TRPC4AP: variants seen among roughly 807,000 people sequenced by gnomAD.
TRPC4AP encodes short transient receptor potential channel 4-associated protein.
In TRPC4AP, 45 loss-of-function variants were observed where a neutral mutation model predicts 99.0. The ratio of observed to expected loss-of-function variants is 0.45; its 90% CI spans 0.36 to 0.58. The LOEUF (loss-of-function observed/expected upper bound fraction) is 0.58, where lower values mean the gene tolerates loss of function less well. TRPC4AP is among the 20% of genes least tolerant of loss of function. TRPC4AP has a pLI of 0.00. For missense variants in TRPC4AP, 879 were observed against 985.3 expected (o/e 0.89, Z 1.44); for synonymous variants, 408 against 385.8 (o/e 1.06, Z -0.67).
At chr20:35,003,885 A>C (rs2082454610) in intron 17 of TRPC4AP, among the ~76,000 whole-genome samples, 1 of 152,122 alleles carries the variant, frequency 6.6e-6, no homozygotes. Context: ...GGGCTCAAGC[A>C]TCACTCCTTC....
chr20:35,076,824 T>G (rs2084491478), intron 2 of TRPC4AP, among the ~76,000 whole-genome samples: 1 of 152,164 alleles, frequency 6.6e-6, no homozygotes, highest in African/African-American at 2.4e-5. Flanking sequence ...TGCAGAAGTT[T>G]CTGCTGCCTT....
chr20:35,031,628 A>G (rs142109703), intron 8 of TRPC4AP, among the ~76,000 whole-genome samples: 1 of 151,598 alleles, frequency 6.6e-6, no homozygotes, highest in Non-Finnish European at 1.5e-5. Context: ...AATGATTTAC[A>G]TTACATTTGG....
intron 6 of TRPC4AP, among the ~76,000 whole-genome samples, chr20:35,045,268 GATACC>G (rs1369273161): frequency 6.6e-6 from 1 of 152,152 alleles, no homozygotes; most frequent in Non-Finnish European, 1.5e-5. Context: ...CAGTGTGAAT[GATACC>G]ATACTATACC....
chr20:35,030,241 C>CAAAAAAAAA (rs572401085), intron 8 of TRPC4AP: 2 of 111,698 alleles, frequency 1.8e-5, no homozygotes, highest in East Asian at 2.7e-4. Context: ...AACTCCATAT[C>CAAAAAAAAA]AAAAAAAAAA....
At chr20:35,018,911 A>C (rs2082820876) in intron 9 of TRPC4AP, among the ~76,000 whole-genome samples, 1 of 151,018 alleles carries the variant, frequency 6.6e-6, no homozygotes, top group Admixed American at 6.6e-5. Flanking sequence ...ATGGGGGACG[A>C]TGGAGCTGTT....
chr20:35,063,336 G>A (rs995493247), intron 3 of TRPC4AP, among the ~76,000 whole-genome samples: 5 of 152,098 alleles, frequency 3.3e-5, no homozygotes, highest in African/African-American at 7.2e-5. Context: ...GCATGAGAAC[G>A]GACTGACAGA....
chr20:35,077,988 G>C (rs959909575), intron 2 of TRPC4AP, 58 bp downstream of exon 2: 47 of 1,488,042 alleles, frequency 3.2e-5, no homozygotes, highest in Non-Finnish European at 4.2e-5. Context: ...AAAAACAGCA[G>C]ACATCTTGTG....
chr20:35,016,516 T>C (rs755249709), intron 9 of TRPC4AP, among the ~76,000 whole-genome samples: 2 of 152,164 alleles, frequency 1.3e-5, no homozygotes, highest in Non-Finnish European at 2.9e-5. Flanking sequence ...TCCTTAAGAT[T>C]TGTCTCCTCG....
chr20:35,043,902 A>G (rs1041709848), intron 7 of TRPC4AP, among the ~76,000 whole-genome samples: 2 of 152,218 alleles, frequency 1.3e-5, no homozygotes, highest in African/African-American at 4.8e-5. Context: ...TATAAAATGA[A>G]GGCCCAGGAG....
At chr20:35,009,446 A>G (rs1248918347) in intron 12 of TRPC4AP, among the ~76,000 whole-genome samples, 1 of 152,108 alleles carries the variant, frequency 6.6e-6, no homozygotes, top group East Asian at 1.9e-4. Context: ...GTTCGAGACC[A>G]GCCTGGGCAA....
At chr20:35,041,866 C>T (rs1014012301) in intron 7 of TRPC4AP, among the ~76,000 whole-genome samples, 2 of 152,198 alleles carry the variant, frequency 1.3e-5, no homozygotes, top group African/African-American at 4.8e-5. Context: ...CCACAGGGCA[C>T]TTGAAGGATT....
At chr20:35,037,519 G>A (rs1339702816) in intron 7 of TRPC4AP, among the ~76,000 whole-genome samples, 1 of 152,090 alleles carries the variant, frequency 6.6e-6, no homozygotes, top group African/African-American at 2.4e-5. Flanking sequence ...TATCCCAAAT[G>A]TCCATTAACT....
At chr20:35,015,488 A>G (rs2082733263) in intron 10 of TRPC4AP, among the ~76,000 whole-genome samples, 1 of 140,226 alleles carries the variant, frequency 7.1e-6, no homozygotes, top group African/African-American at 2.7e-5. Context: ...TTTGAGACAC[A>G]GTCTCACTTT....
intron 1 of TRPC4AP, among the ~76,000 whole-genome samples, chr20:35,090,181 A>T (rs1405674905): frequency 3.7e-4 from 3 of 8,210 alleles, no homozygotes; most frequent in South Asian, 2.6e-3. Context: ...GGAATAAATT[A>T]AAAAAAAAAA....
chr20:35,018,886 T>C (rs2082819769), intron 9 of TRPC4AP, among the ~76,000 whole-genome samples: 1 of 152,152 alleles, frequency 6.6e-6, no homozygotes, highest in Non-Finnish European at 1.5e-5. Context: ...CCCAAGTCCC[T>C]TGATAGAAAA....
At chr20:35,039,346 C>T (rs186773056) in intron 7 of TRPC4AP, among the ~76,000 whole-genome samples, 1 of 152,288 alleles carries the variant, frequency 6.6e-6, no homozygotes, top group African/African-American at 2.4e-5. Context: ...GAGTCACTCA[C>T]CTCTTGAAAA....
intron 5 of TRPC4AP, among the ~76,000 whole-genome samples, chr20:35,053,171 ACTTGT>A (rs1419449724): frequency 2.0e-5 from 3 of 152,366 alleles, no homozygotes; most frequent in African/African-American, 7.2e-5. Context: ...CAGCTTAAAT[ACTTGT>A]CTTTTCTTTA....
intron 3 of TRPC4AP, among the ~76,000 whole-genome samples, chr20:35,063,800 G>A (rs2084069983): frequency 6.6e-6 from 1 of 152,134 alleles, no homozygotes; most frequent in African/African-American, 2.4e-5. Flanking sequence ...GTTCAAGGCT[G>A]CAGTGAGCTA....
At position 35,056,985 on chromosome 20, in the gene TRPC4AP, C is replaced by CA. The variant is rs398035624; in HGVS notation, c.472+528dup. Among the ~76,000 whole-genome samples, 584 of 90,264 alleles carry CA rather than the reference C, an allele frequency of 6.5e-3. 32 individuals carry two copies. The highest frequency in any genetic ancestry group is 0.021 in the African/African-American group (476 of 22,222). The allele number at this position is 90,264 out of a possible 152,430, so 59.2% of individuals were successfully genotyped here. A position where few individuals can be genotyped will look rare whatever the true frequency, so the allele number is the denominator to read the frequency against. On this transcript the variant is annotated intron_variant, in intron 4 of 18. Coordinates refer to ENST00000252015, the MANE Select transcript of TRPC4AP (RefSeq NM_015638.3). Reference sequence around the variant, plus strand: ...TGGGCAACAGAGCGAGAGACTGTCTCAAAAAAAAAAAAATTGAATACCTAA... The same window carrying CA: ...TGGGCAACAGAGCGAGAGACTGTCTCAAAAAAAAAAAAAATTGAATACCTAA...
Sources: gnomAD v4.1 joint callset for allele counts (sites outside exome capture counted in the v4.1 genomes callset) on GRCh38, gnomAD v4.1.1 for gene constraint, MANE v1.5 for transcripts, NCBI Gene and HGNC (gene_info 2026-07-23, HGNC 2026-07-21) for gene names.